KLHL1: variants seen among roughly 807,000 people sequenced by gnomAD.
KLHL1 encodes kelch-like protein 1.
Under a neutral mutation model 77.7 loss-of-function variants are expected in KLHL1, and 47 were observed. That is an observed-to-expected ratio of 0.60 (90% CI 0.48 to 0.77). KLHL1 has a LOEUF of 0.77. Ranked by LOEUF, KLHL1 falls within the 30% of genes least tolerant of loss-of-function variation. The probability of loss-of-function intolerance (pLI) is 0.00; values close to 1 mark genes in which losing one functional copy is unlikely to be tolerated. For synonymous variants in KLHL1, 360 were observed against 325.2 expected, an observed-to-expected ratio of 1.11 and a Z score of -1.15; for missense variants, 925 against 910.8, an observed-to-expected ratio of 1.02 and a Z score of -0.20.
chr13:69,783,839 G>T (rs539617032), intron 7 of KLHL1, among the ~76,000 whole-genome samples: 15,342 of 149,920 alleles, frequency 0.1, 882 homozygotes, highest in African/African-American at 0.15. Context: ...ATGCCACAAA[G>T]ATACTCCTCG....
chr13:69,795,974 C>A (rs1435969104), intron 7 of KLHL1, among the ~76,000 whole-genome samples: 1 of 152,188 alleles, frequency 6.6e-6, no homozygotes, highest in African/African-American at 2.4e-5. Flanking sequence ...TTAAGTTTCA[C>A]TCAACCCACA....
At chr13:69,830,976 T>G (rs1878737087) in intron 6 of KLHL1, among the ~76,000 whole-genome samples, 1 of 149,542 alleles carries the variant, frequency 6.7e-6, no homozygotes, top group African/African-American at 2.5e-5. Flanking sequence ...TTCATAGTAC[T>G]AAATGCCTAC....
At chr13:69,826,446 G>A (rs1318593508) in intron 6 of KLHL1, among the ~76,000 whole-genome samples, 1 of 152,126 alleles carries the variant, frequency 6.6e-6, no homozygotes, top group African/African-American at 2.4e-5. Context: ...AACCCATAGT[G>A]GTGGGCACCT....
At chr13:69,828,346 T>C (rs972039418) in intron 6 of KLHL1, among the ~76,000 whole-genome samples, 1 of 149,920 alleles carries the variant, frequency 6.7e-6, no homozygotes, top group African/African-American at 2.5e-5. Context: ...CCAAGTGAAA[T>C]ATAAAAATAG....
At position 69,932,583 on chromosome 13, in the gene KLHL1, TG is replaced by T. The variant is rs552092305; in HGVS notation, c.1014+7456del. Among the ~76,000 whole-genome samples the T allele has an allele frequency of 3.7e-4, 56 of 152,048 alleles. 1 individual carries two copies. In the South Asian group the frequency reaches 0.011, roughly 31 times the overall value. Reference sequence around the variant, plus strand: ...TGTTTAGTATTCCTTCTTGAAACTTTGTTAGTTATATTGTTGCCACAGCATC... The same window carrying T: ...TGTTTAGTATTCCTTCTTGAAACTTTTTAGTTATATTGTTGCCACAGCATC... On this transcript the variant is annotated intron_variant, in intron 4 of 10. Transcript: ENST00000377844.
intron 1 of KLHL1, among the ~76,000 whole-genome samples, chr13:70,055,023 T>TA (rs59119291): frequency 1.3e-5 from 2 of 152,020 alleles, no homozygotes; most frequent in African/African-American, 2.4e-5. Context: ...AAAGACGTAA[T>TA]AGAAATCTTT....
chr13:69,831,944 T>C (rs116069300), intron 6 of KLHL1, among the ~76,000 whole-genome samples: 4,122 of 150,090 alleles, frequency 0.027, 490 homozygotes, highest in African/African-American at 0.097. Flanking sequence ...AGAGGGGACA[T>C]ACTTTAAGAT....
chr13:69,856,667 A>G (rs1446617284), intron 5 of KLHL1, among the ~76,000 whole-genome samples: 2 of 152,082 alleles, frequency 1.3e-5, no homozygotes, highest in African/African-American at 4.8e-5. Context: ...TTATTACACT[A>G]TACTGTAATC....
intron 9 of KLHL1, among the ~76,000 whole-genome samples, chr13:69,716,083 G>A (rs1466977335): frequency 1.3e-5 from 2 of 152,034 alleles, no homozygotes; most frequent in East Asian, 1.9e-4. Context: ...GGGTCATAAA[G>A]TAAACCTCAA....
At chr13:69,923,319 T>C (rs1035700396) in intron 4 of KLHL1, among the ~76,000 whole-genome samples, 1 of 152,184 alleles carries the variant, frequency 6.6e-6, no homozygotes, top group African/African-American at 2.4e-5. Context: ...AGAAGTAATT[T>C]TGTAGCTTGG....
rs373760715 is a variant in KLHL1, at chr13:70,041,078, T to C, written c.498-65276A>G. 1.1e-4 allele frequency among the ~76,000 whole-genome samples: 16 copies of C among 152,330 alleles called. No homozygotes were observed. In the South Asian group the frequency reaches 3.3e-3, roughly 32 times the overall value. On this transcript the variant is annotated intron_variant, in intron 1 of 10. Coordinates refer to ENST00000377844, the MANE Select transcript of KLHL1 (RefSeq NM_020866.3). ...ATTATATTTTTAATTGTATATTGTATAATTTCTCTTTGGTTCTTCATTGTC... is the reference window on the plus strand; with the variant it reads ...ATTATATTTTTAATTGTATATTGTACAATTTCTCTTTGGTTCTTCATTGTC...
At chr13:69,782,163 A>AAAAT (rs1239753760) in intron 7 of KLHL1, among the ~76,000 whole-genome samples, 1 of 152,178 alleles carries the variant, frequency 6.6e-6, no homozygotes, top group Non-Finnish European at 1.5e-5. Context: ...GGTTTTAAAG[A>AAAAT]AAATATAGTA....
chr13:69,833,461 T>C (rs919176181), intron 6 of KLHL1, among the ~76,000 whole-genome samples: 2 of 151,492 alleles, frequency 1.3e-5, no homozygotes, highest in South Asian at 2.1e-4. Flanking sequence ...AAAATAGATG[T>C]CGACAAGGAT....
chr13:69,809,094 T>C (rs1877749468), intron 6 of KLHL1, among the ~76,000 whole-genome samples: 1 of 152,054 alleles, frequency 6.6e-6, no homozygotes, highest in Non-Finnish European at 1.5e-5. Context: ...GATATTAGCG[T>C]ACCTGGGAGA....
intron 3 of KLHL1, 146 bp from the exon 4 acceptor site, chr13:69,940,382 C>T (rs950262944): frequency 2.3e-5 from 13 of 553,604 alleles, no homozygotes; most frequent in South Asian, 3.9e-5. Flanking sequence ...CGGTAAAGGT[C>T]ACCAATTGTT....
At chr13:69,870,305 C>G (rs1015696283) in intron 5 of KLHL1, among the ~76,000 whole-genome samples, 4 of 151,988 alleles carry the variant, frequency 2.6e-5, no homozygotes. Flanking sequence ...CAACATCTCT[C>G]CAGAGAACTA....
intron 1 of KLHL1, among the ~76,000 whole-genome samples, chr13:70,006,064 T>C (rs1885397960): frequency 6.6e-6 from 1 of 152,088 alleles, no homozygotes; most frequent in Admixed American, 6.6e-5. Flanking sequence ...TTCGCTATTA[T>C]GAGTTTGACT....
intron 3 of KLHL1, among the ~76,000 whole-genome samples, chr13:69,941,179 G>A (rs1029288894): frequency 1.3e-5 from 2 of 151,846 alleles, no homozygotes; most frequent in African/African-American, 2.4e-5. Flanking sequence ...CATCAGCACA[G>A]GGAACATTCT....
chr13:70,059,100 A>G (rs1295079801), intron 1 of KLHL1, among the ~76,000 whole-genome samples: 2 of 152,004 alleles, frequency 1.3e-5, no homozygotes, highest in African/African-American at 2.4e-5. Context: ...CAATGAAACT[A>G]CTACAAGAAA....
Sources: allele counts gnomAD v4.1 joint callset (sites outside exome capture counted in the v4.1 genomes callset), GRCh38; gene constraint gnomAD v4.1.1; transcripts MANE v1.5; gene names NCBI Gene and HGNC (gene_info 2026-07-23, HGNC 2026-07-21).